The following PPM1A variants were observed in gnomAD, a reference collection of about 807,000 sequenced individuals.
PPM1A encodes the protein protein phosphatase, Mg2+/Mn2+ dependent 1A.
A neutral mutation model predicts 35.0 loss-of-function variants in PPM1A; 7 were observed. The ratio of observed to expected loss-of-function variants is 0.20; its 90% CI spans 0.11 to 0.38. The LOEUF (loss-of-function observed/expected upper bound fraction) is 0.38, where lower values mean the gene tolerates loss of function less well. PPM1A is among the 10% of genes least tolerant of loss of function. The pLI is 1.00. For missense variants in PPM1A, 239 were observed against 467.8 expected (o/e 0.51, Z 4.51); for synonymous variants, 153 against 167.3 (o/e 0.91, Z 0.66).
At chr14:60,252,795 C>G (rs544561291) in intron 1 of PPM1A, among the ~76,000 whole-genome samples, 1 of 152,240 alleles carries the variant, frequency 6.6e-6, no homozygotes, top group African/African-American at 2.4e-5. Flanking sequence ...GTCTTATGTT[C>G]TCCATATTAC....
At position 60,296,580 on chromosome 14, in the gene PPM1A, C is replaced by A; in HGVS notation, c.*4098C>A. 1 of 322,774 alleles carries A rather than the reference C, an allele frequency of 3.1e-6. No homozygotes were observed. The highest frequency in any genetic ancestry group is 5.7e-6 in the Non-Finnish European group (1 of 174,326). The allele number at this position is 322,774 out of a possible 1,614,324, so 20.0% of individuals were successfully genotyped here. A position where few individuals can be genotyped will look rare whatever the true frequency, so the allele number is the denominator to read the frequency against. ...AGTTTTTCTTTTAGGCATTAGGAAG[C>A]CTTCTTTAGAGTTCAAAATTTTAGA... On this transcript the variant is annotated 3_prime_UTR_variant, in exon 6 of 6. Transcript: ENST00000395076. The surrounding 1 kb of genome is among the most constrained non-coding windows in gnomAD (Gnocchi z 4.4).
chr14:60,266,244 A>G (rs892018527), intron 1 of PPM1A, among the ~76,000 whole-genome samples: 3 of 151,906 alleles, frequency 2.0e-5, no homozygotes, highest in Non-Finnish European at 2.9e-5. Flanking sequence ...GTTCATTTTT[A>G]TTGTCTTTTA....
chr14:60,252,011 A>G (rs959499865), intron 1 of PPM1A, among the ~76,000 whole-genome samples: 12 of 152,174 alleles, frequency 7.9e-5, no homozygotes, highest in Admixed American at 3.3e-4. Context: ...AAATTCTCTA[A>G]TACCTCATTT....
At chr14:60,262,169 A>G (rs1883817505) in intron 1 of PPM1A, among the ~76,000 whole-genome samples, 3 of 152,230 alleles carry the variant, frequency 2.0e-5, no homozygotes, top group South Asian at 4.1e-4. Flanking sequence ...ATGTCTATAT[A>G]TAATTTGTTT....
At chr14:60,275,205 T>C (rs1885610221) in intron 1 of PPM1A, among the ~76,000 whole-genome samples, 1 of 151,282 alleles carries the variant, frequency 6.6e-6, no homozygotes. Flanking sequence ...TTCCTTATCT[T>C]GTATGTTGTC....
At chr14:60,258,708 A>C (rs566243964) in intron 1 of PPM1A, among the ~76,000 whole-genome samples, 1 of 152,102 alleles carries the variant, frequency 6.6e-6, no homozygotes, top group Non-Finnish European at 1.5e-5. Context: ...TGGCCGGCCA[A>C]CTTCTCTGAA....
Position 60,280,381 on chromosome 14 carries a change from G to T in PPM1A, c.-20-2303G>T, listed in dbSNP as rs189789965. ...TCAGTAGTCACACTATTACTAAGTAGTAGAGCCAGAATTTAAACCCACATT... is the reference window on the plus strand; with the variant it reads ...TCAGTAGTCACACTATTACTAAGTATTAGAGCCAGAATTTAAACCCACATT... On this transcript the variant is annotated intron_variant, in intron 1 of 5. Coordinates refer to ENST00000395076, the MANE Select transcript of PPM1A (RefSeq NM_021003.5). Among the ~76,000 whole-genome samples the T allele has an allele frequency of 3.1e-3, 473 of 152,302 alleles. 3 individuals are homozygous for T. The highest frequency in any genetic ancestry group is 5.0e-3 in the South Asian group (24 of 4,826).
chr14:60,260,159 G>A (rs1883582021), intron 1 of PPM1A, among the ~76,000 whole-genome samples: 2 of 152,074 alleles, frequency 1.3e-5, no homozygotes, highest in South Asian at 2.1e-4. Flanking sequence ...AGCTTTACCC[G>A]ACTTACTTTA....
intron 3 of PPM1A, 175 bp downstream of exon 3, chr14:60,285,916 C>G: frequency 7.5e-7 from 1 of 1,327,244 alleles, no homozygotes; most frequent in East Asian, 2.8e-5. Flanking sequence ...GTTGTCCTAT[C>G]ACAGTTATAT....
At chr14:60,275,427 C>T (rs1885635491) in intron 1 of PPM1A, among the ~76,000 whole-genome samples, 2 of 152,006 alleles carry the variant, frequency 1.3e-5, no homozygotes, top group Non-Finnish European at 2.9e-5. Context: ...TGCATTTTGG[C>T]TCTGATTCAT....
At chr14:60,252,298 C>T (rs540791209) in intron 1 of PPM1A, among the ~76,000 whole-genome samples, 19 of 152,308 alleles carry the variant, frequency 1.2e-4, no homozygotes, top group Admixed American at 1.2e-3. Flanking sequence ...AATCTATGCT[C>T]ATGTAGAAAT....
Position 60,283,614 on chromosome 14 carries a change from A to C in PPM1A, c.834+77A>C. On this transcript the variant is annotated intron_variant, in intron 2 of 5. Coordinates refer to ENST00000395076, the MANE Select transcript of PPM1A (RefSeq NM_021003.5). This position sits in a 1 kb window ranked among gnomAD's most constrained non-coding sequence, Gnocchi z 6.3. ...CTACTCTAGTATTTAATCATCTTAG[A>C]ATCTGTAATTCTGAAACCAGTTTTT... The C allele has an allele frequency of 6.9e-7, 1 of 1,446,634 alleles. No homozygotes were observed. The highest frequency in any genetic ancestry group is 9.2e-7 in the Non-Finnish European group (1 of 1,082,888). 89.6% of individuals were successfully genotyped at this position (1,446,634 alleles called of 1,614,324 possible).
At chr14:60,251,230 T>C (rs1476515597) in intron 1 of PPM1A, among the ~76,000 whole-genome samples, 1 of 152,256 alleles carries the variant, frequency 6.6e-6, no homozygotes, top group African/African-American at 2.4e-5. Flanking sequence ...GCCTAAGACA[T>C]TTTAATTTGA....
rs1012544105 is a variant in PPM1A at position 60,295,458 on chromosome 14, C to T, written c.*2976C>T. Reference sequence around the variant, plus strand: ...AGAGTACTTAATGCAACTGCTCTAGCCACTTAATTTTTTATACTAATCTCA... The same window carrying T: ...AGAGTACTTAATGCAACTGCTCTAGTCACTTAATTTTTTATACTAATCTCA... On this transcript the variant is annotated 3_prime_UTR_variant, in exon 6 of 6. Transcript: ENST00000395076. The T allele has an allele frequency of 2.0e-5, 3 of 151,638 alleles. No individual in the cohort carries two copies. Among genetic ancestry groups the T allele is most frequent in the Non-Finnish European group, 4.4e-5 (3 of 67,700 alleles). 9.4% of individuals were successfully genotyped at this position (151,638 alleles called of 1,614,324 possible). A position where few individuals can be genotyped will look rare whatever the true frequency, so the allele number is the denominator to read the frequency against.
At chr14:60,291,631 G>C (rs1887642260) in intron 5 of PPM1A, among the ~76,000 whole-genome samples, 177 bp downstream of exon 5, 1 of 151,958 alleles carries the variant, frequency 6.6e-6, no homozygotes, top group Non-Finnish European at 1.5e-5. Context: ...TAGTGATTGA[G>C]GACATAATCA....
upstream of PPM1A, chr14:60,246,067 T>C: frequency 1.8e-4 from 231 of 1,255,180 alleles, no homozygotes; most frequent in Non-Finnish European, 2.3e-4. Flanking sequence ...AGGAAGGAAT[T>C]GTTGAACCTA....
chr14:60,273,772 A>G lies in PPM1A; in HGVS notation c.-20-8912A>G, dbSNP rs1348358277. On this transcript the variant is annotated intron_variant, in intron 1 of 5. Coordinates refer to ENST00000395076, the MANE Select transcript of PPM1A (RefSeq NM_021003.5). This position sits in a 1 kb window ranked among gnomAD's most constrained non-coding sequence, Gnocchi z 4.3. ...AGAATGCTTAGGAAGCATATAACCC[A>G]TGGGATTTGATGATGGACTGATGGG... 6.6e-6 allele frequency among the ~76,000 whole-genome samples: 1 copy of G among 152,172 alleles called. No homozygotes were observed. Among genetic ancestry groups the G allele is most frequent in the Non-Finnish European group, 1.5e-5 (1 of 68,024 alleles).
rs1882092493 is a variant in PPM1A at position 60,249,690 on chromosome 14, C to T, written c.-21+13C>T. 2 of 983,630 alleles carry T rather than the reference C, an allele frequency of 2.0e-6. No individual in the cohort carries two copies. Among genetic ancestry groups the T allele is most frequent in the Admixed American group, 6.2e-5 (1 of 16,006 alleles). The allele number at this position is 983,630 out of a possible 1,614,324, so 60.9% of individuals were successfully genotyped here. ...GCGGCTGCTCCGGGTAAGTGCGGCG[C>T]TCGGGCCGACGGCGGGCTGGCGGGC... On this transcript the variant is annotated intron_variant, in intron 1 of 5. Coordinates refer to ENST00000395076, the MANE Select transcript of PPM1A (RefSeq NM_021003.5). The surrounding 1 kb of genome is among the most constrained non-coding windows in gnomAD (Gnocchi z 4.5).
At chr14:60,277,089 T>C in intron 1 of PPM1A, 1 of 1,160,748 alleles carries the variant, frequency 8.6e-7, no homozygotes. Context: ...GATTTATGAC[T>C]AGGTGAGAAC....
Sources: gnomAD v4.1 joint callset for allele counts (sites outside exome capture counted in the v4.1 genomes callset) on GRCh38, gnomAD v4.1.1 for gene constraint, Gnocchi (gnomAD v3.1) non-coding constraint, MANE v1.5 for transcripts, NCBI Gene and HGNC (gene_info 2026-07-23, HGNC 2026-07-21) for gene names.